C1orf146: variants seen among roughly 807,000 people sequenced by gnomAD.
C1orf146 encodes the protein protein SPO16 homolog.
C1orf146 carries 22 observed loss-of-function variants against 23.0 expected under a neutral mutation model. The observed-to-expected ratio is 0.96, with a 90% CI of 0.68 to 1.36. The LOEUF (loss-of-function observed/expected upper bound fraction) is 1.36. C1orf146 is among the 40% of genes most tolerant of loss of function. The probability of loss-of-function intolerance (pLI) is 0.00; values close to 1 mark genes in which losing one functional copy is unlikely to be tolerated. For missense variants in C1orf146, 199 were observed against 206.8 expected, an observed-to-expected ratio of 0.96 and a Z score of 0.23; for synonymous variants, 59 against 65.3, an observed-to-expected ratio of 0.90 and a Z score of 0.47.
At chr1:92,244,648 C>G (rs1652528374) in intron 4 of C1orf146, 131 bp from the exon 5 acceptor site, 3 of 661,036 alleles carry the variant, frequency 4.5e-6, no homozygotes, top group Non-Finnish European at 7.7e-6. Context: ...CTCAAATCCT[C>G]TGTGGAGTAA....
At chr1:92,234,960 C>G (rs1168960277) in intron 2 of C1orf146, among the ~76,000 whole-genome samples, 2 of 152,002 alleles carry the variant, frequency 1.3e-5, no homozygotes, top group Non-Finnish European at 2.9e-5. Flanking sequence ...TGGTGATATC[C>G]CCTTTATCAT....
intron 1 of C1orf146, among the ~76,000 whole-genome samples, chr1:92,224,621 A>G (rs1651921546): frequency 6.6e-6 from 1 of 152,176 alleles, no homozygotes; most frequent in Non-Finnish European, 1.5e-5. Flanking sequence ...TATCGTAAAG[A>G]CAGTCTAGCT....
chr1:92,243,491 C>A (rs530742248), intron 3 of C1orf146, among the ~76,000 whole-genome samples: 1 of 152,262 alleles, frequency 6.6e-6, no homozygotes, highest in Admixed American at 6.5e-5. Flanking sequence ...TGATTACAGG[C>A]ACATACCACC....
intron 5 of C1orf146, 101 bp downstream of exon 5, chr1:92,244,958 T>TG: frequency 1.5e-6 from 1 of 689,022 alleles, no homozygotes; most frequent in Non-Finnish European, 2.5e-6. Flanking sequence ...ATCATGCTTC[T>TG]GTTCCCCTGC....
intron 3 of C1orf146, among the ~76,000 whole-genome samples, chr1:92,243,385 T>C (rs1019324489): frequency 2.6e-5 from 4 of 152,180 alleles, no homozygotes; most frequent in South Asian, 4.1e-4. Context: ...CTTGCTTTGT[T>C]GCCCAGGCTG....
At chr1:92,243,175 T>C (rs920463339) in intron 3 of C1orf146, among the ~76,000 whole-genome samples, 3 of 152,218 alleles carry the variant, frequency 2.0e-5, no homozygotes, top group Non-Finnish European at 4.4e-5. Context: ...AGAGGTTATA[T>C]AAGTTGCCCA....
At chr1:92,242,481 T>G (rs1382406761) in intron 3 of C1orf146, among the ~76,000 whole-genome samples, 176 bp downstream of exon 3, 5 of 152,188 alleles carry the variant, frequency 3.3e-5, no homozygotes, top group Non-Finnish European at 7.3e-5. Context: ...TATTCCTTTT[T>G]AGATTACAAT....
chr1:92,234,295 A>G (rs1159868622), intron 2 of C1orf146, among the ~76,000 whole-genome samples: 1 of 152,246 alleles, frequency 6.6e-6, no homozygotes, highest in African/African-American at 2.4e-5. Context: ...ATCAATACCT[A>G]ATTTATTGAG....
At chr1:92,221,464 T>C (rs569764645) in intron 1 of C1orf146, among the ~76,000 whole-genome samples, 1 of 152,304 alleles carries the variant, frequency 6.6e-6, no homozygotes, top group South Asian at 2.1e-4. Context: ...AACCTGCACA[T>C]ATACCCCCTG....
chr1:92,226,953 A>T lies in C1orf146; in HGVS notation c.-39-4429A>T, dbSNP rs148188839. On this transcript the variant is annotated intron_variant, in intron 1 of 5. Coordinates refer to ENST00000370375, the MANE Select transcript of C1orf146 (RefSeq NM_001012425.2). ...TAAACCATAATTTGCTGATTAACTC[A>T]GAAATTACAAAATGCATGATTGACT... is the stretch of plus-strand genomic sequence containing the variant. 6.4e-3 allele frequency among the ~76,000 whole-genome samples: 982 copies of T among 152,296 alleles called. 5 individuals are homozygous for T. The highest frequency in any genetic ancestry group is 0.011 in the Non-Finnish European group (766 of 68,030).
At chr1:92,236,343 G>T (rs1377677940) in intron 2 of C1orf146, among the ~76,000 whole-genome samples, 1 of 151,948 alleles carries the variant, frequency 6.6e-6, no homozygotes, top group Non-Finnish European at 1.5e-5. Context: ...GTCTGTAAAG[G>T]ATTTTATTTC....
intron 1 of C1orf146, among the ~76,000 whole-genome samples, chr1:92,227,989 T>G (rs1652011278): frequency 1.3e-5 from 2 of 152,208 alleles, no homozygotes; most frequent in South Asian, 4.1e-4. Context: ...TGCTCCATTC[T>G]CTTTTCTCTT....
At chr1:92,225,110 C>CTTTTTTTTTTTTTTTTT (rs36035933) in intron 1 of C1orf146, among the ~76,000 whole-genome samples, 2 of 120,578 alleles carry the variant, frequency 1.7e-5, no homozygotes, top group Non-Finnish European at 1.7e-5. Flanking sequence ...GGTTTAGCCT[C>CTTTTTTTTTTTTTTTTT]TTTTTTTTTT....
intron 2 of C1orf146, among the ~76,000 whole-genome samples, chr1:92,237,003 C>T (rs1056319504): frequency 1.4e-4 from 21 of 152,132 alleles, no homozygotes; most frequent in Non-Finnish European, 2.6e-4. Flanking sequence ...TCTAGTTATA[C>T]GTTCGCCTAA....
chr1:92,226,272 T>C (rs1337318075), intron 1 of C1orf146, among the ~76,000 whole-genome samples: 1 of 152,162 alleles, frequency 6.6e-6, no homozygotes, highest in Non-Finnish European at 1.5e-5. Context: ...CTTAGTACTT[T>C]CTCTGGATAC....
intron 2 of C1orf146, among the ~76,000 whole-genome samples, chr1:92,236,691 T>C (rs1467645969): frequency 6.6e-6 from 1 of 152,226 alleles, no homozygotes; most frequent in East Asian, 1.9e-4. Flanking sequence ...CTGGATAATA[T>C]GCTGCAGAGT....
intron 5 of C1orf146, among the ~76,000 whole-genome samples, 170 bp from the exon 6 acceptor site, chr1:92,245,370 T>C (rs1652577524): frequency 1.3e-5 from 2 of 152,220 alleles, no homozygotes; most frequent in African/African-American, 4.8e-5. Flanking sequence ...AATTCCTTGA[T>C]AGAAACTAAG....
rs773550881 is a variant in C1orf146, at chr1:92,242,394, GTATT to G, written c.160+90_160+93del. On this transcript the variant is annotated intron_variant, in intron 3 of 5. Coordinates refer to ENST00000370375, the MANE Select transcript of C1orf146 (RefSeq NM_001012425.2). ...CTTCATAGTTCAGTAACCATGTAAT[GTATT>G]ATCTTTTGGGAAGGGTAAATGTGTA... is the stretch of plus-strand genomic sequence containing the variant. 82 of 653,600 alleles carry G rather than the reference GTATT, an allele frequency of 1.3e-4. No homozygotes were observed. The South Asian group carries it at 1.9e-3, about 15-fold the overall frequency. The allele number at this position is 653,600 out of a possible 1,614,324, so 40.5% of individuals were successfully genotyped here.
chr1:92,240,973 T>C, intron 2 of C1orf146: 2 of 457,050 alleles, frequency 4.4e-6, no homozygotes, highest in Non-Finnish European at 9.1e-6. Context: ...AGCTGTTTTC[T>C]TACATGTTTT....
Sources: gnomAD v4.1 joint callset for allele counts (sites outside exome capture counted in the v4.1 genomes callset) on GRCh38, gnomAD v4.1.1 for gene constraint, MANE v1.5 for transcripts, NCBI Gene and HGNC (gene_info 2026-07-23, HGNC 2026-07-21) for gene names.